UNC13C: variants seen among roughly 807,000 people sequenced by gnomAD.
UNC13C encodes protein unc-13 homolog C.
UNC13C carries 174 observed loss-of-function variants against 245.4 expected under a neutral mutation model. The observed-to-expected ratio is 0.71, with a 90% confidence interval of 0.63 to 0.80. The LOEUF (loss-of-function observed/expected upper bound fraction) is 0.80. Ranked by LOEUF, UNC13C falls within the 30% of genes least tolerant of loss-of-function variation. The probability of loss-of-function intolerance (pLI) is 0.00; values close to 1 mark genes in which losing one functional copy is unlikely to be tolerated. For synonymous variants in UNC13C, 992 were observed against 895.1 expected, an observed-to-expected ratio of 1.11 and a Z score of -1.93; for missense variants, 2,829 against 2,602.9, an observed-to-expected ratio of 1.09 and a Z score of -1.89.
At chr15:54,570,947 T>C (rs1201828496) in intron 30 of UNC13C, among the ~76,000 whole-genome samples, 6 of 152,184 alleles carry the variant, frequency 3.9e-5, no homozygotes, top group African/African-American at 4.8e-5. Flanking sequence ...TTATATAAAG[T>C]GCTATACAAT....
Position 54,306,277 on chromosome 15 carries a change from A to G in UNC13C, c.4268+5904A>G, listed in dbSNP as rs558615869. On this transcript the variant is annotated intron_variant, in intron 13 of 32. Transcript: ENST00000260323. Reference sequence around the variant, plus strand: ...TGGAGCATGCGTCAGTAGGAGAGGGATTACAATTTTCCTGTTTGGACAAGT... The same window carrying G: ...TGGAGCATGCGTCAGTAGGAGAGGGGTTACAATTTTCCTGTTTGGACAAGT... Among the ~76,000 whole-genome samples the G allele has an allele frequency of 9.2e-5, 14 of 152,108 alleles. No individual in the cohort carries two copies. In the South Asian group the frequency reaches 2.9e-3, roughly 32 times the overall value.
At chr15:53,938,233 T>G in the UNC13C span, among the ~76,000 whole-genome samples, 1 of 152,000 alleles carries the variant, frequency 6.6e-6, no homozygotes. Context: ...TCCTAGTTTC[T>G]GACAAAACAG....
the UNC13C span, among the ~76,000 whole-genome samples, chr15:53,884,179 G>A: frequency 6.6e-6 from 1 of 152,118 alleles, no homozygotes; most frequent in Non-Finnish European, 1.5e-5. Flanking sequence ...ATACAATCCT[G>A]TTATCTTTCA....
intron 1 of UNC13C, among the ~76,000 whole-genome samples, chr15:54,009,673 C>T (rs754053423): frequency 2.6e-5 from 4 of 151,744 alleles, no homozygotes; most frequent in East Asian, 1.9e-4. Flanking sequence ...CAGCCTCCTG[C>T]GTAGCTGGGA....
intron 4 of UNC13C, among the ~76,000 whole-genome samples, chr15:54,196,128 T>C (rs1567087826): frequency 6.6e-6 from 1 of 152,144 alleles, no homozygotes; most frequent in East Asian, 1.9e-4. Context: ...TTTTTCTCCC[T>C]ACTAAAAGTA....
chr15:54,109,437 G>A (rs1190581907), intron 2 of UNC13C, among the ~76,000 whole-genome samples: 3 of 147,252 alleles, frequency 2.0e-5, no homozygotes, highest in Admixed American at 6.9e-5. Context: ...CACCTCCCAG[G>A]TTCATGCCAT....
intron 4 of UNC13C, among the ~76,000 whole-genome samples, chr15:54,202,288 C>A (rs1009867233): frequency 6.6e-6 from 1 of 151,680 alleles, no homozygotes; most frequent in Non-Finnish European, 1.5e-5. Context: ...CAAAATGCTA[C>A]CATCATTCAT....
chr15:54,480,442 G>C (rs1414087978), intron 19 of UNC13C, among the ~76,000 whole-genome samples: 2 of 146,456 alleles, frequency 1.4e-5, no homozygotes, highest in South Asian at 2.2e-4. Flanking sequence ...GTTTTGTCTG[G>C]CTGGGTTATC....
At chr15:54,228,316 G>A (rs1416548979) in intron 4 of UNC13C, among the ~76,000 whole-genome samples, 1 of 151,980 alleles carries the variant, frequency 6.6e-6, no homozygotes, top group Non-Finnish European at 1.5e-5. Flanking sequence ...ATGGAATCAG[G>A]GACCCCAAGA....
At chr15:53,880,734 G>A in the UNC13C span, among the ~76,000 whole-genome samples, 1 of 149,696 alleles carries the variant, frequency 6.7e-6, no homozygotes, top group Non-Finnish European at 1.5e-5. Context: ...CAAAGAAAGA[G>A]TCTGAAAGGG....
At chr15:54,611,556 G>A (rs889142307) in intron 30 of UNC13C, 25 of 152,096 alleles carry the variant, frequency 1.6e-4, no homozygotes, top group African/African-American at 6.0e-4. Flanking sequence ...ATAATCTCTG[G>A]AGGAACTTTT....
chr15:54,407,526 G>A (rs747769872), intron 18 of UNC13C, among the ~76,000 whole-genome samples: 3 of 152,126 alleles, frequency 2.0e-5, no homozygotes, highest in Non-Finnish European at 4.4e-5. Context: ...TACAGGCTTC[G>A]GAAGAACTTG....
chr15:53,892,137 C>T, the UNC13C span, among the ~76,000 whole-genome samples: 1 of 152,122 alleles, frequency 6.6e-6, no homozygotes, highest in Non-Finnish European at 1.5e-5. Context: ...ACTTATAAAG[C>T]TTAGTTTGGC....
intron 2 of UNC13C, among the ~76,000 whole-genome samples, chr15:54,062,110 A>G (rs146356254): frequency 1.1e-4 from 16 of 151,980 alleles, no homozygotes; most frequent in African/African-American, 3.9e-4. Context: ...ACCTGAGGTC[A>G]GGAATTGGAA....
chr15:53,980,633 G>T (rs1444362071), intron 1 of UNC13C, among the ~76,000 whole-genome samples: 3 of 152,118 alleles, frequency 2.0e-5, no homozygotes, highest in Admixed American at 2.0e-4. Context: ...AGTAAAATTT[G>T]AAGGTGGATA....
chr15:54,429,963 A>C (rs2040839720), intron 19 of UNC13C, among the ~76,000 whole-genome samples: 1 of 151,666 alleles, frequency 6.6e-6, no homozygotes, highest in Admixed American at 6.6e-5. Flanking sequence ...ATCAAAATGC[A>C]CACTTGTAAC....
rs1894138827 is a variant in UNC13C at position 54,500,163 on chromosome 15, C to G, written c.5145C>G (p.Asp1715Glu). 12 of 1,606,496 alleles carry G rather than the reference C, an allele frequency of 7.5e-6. No individual in the cohort carries two copies. The highest frequency in any genetic ancestry group is 1.0e-5 in the Non-Finnish European group (12 of 1,177,162). ...MEFLHGALGR[D>E]KKDGFQQTSE... is the part of the protein sequence containing the mutation. ...TCCTTCATGGAGCACTGGGAAGAGA[C>G]AAAAAAGATGGAGTGAGTTTAAATT... Residue 1715 changes from aspartate (D) to glutamate (E), a missense_variant, in exon 21 of 33, where the codon GAC becomes GAG. Coordinates refer to ENST00000260323, the MANE Select transcript of UNC13C (RefSeq NM_001080534.3).
rs1390942902 is a variant in UNC13C, at chr15:54,628,090, T to TTAAG, written c.*979_*982dup. 14 of 152,100 alleles carry TTAAG rather than the reference T, an allele frequency of 9.2e-5. No individual in the cohort carries two copies. Among genetic ancestry groups the TTAAG allele is most frequent in the Non-Finnish European group, 1.0e-4 (7 of 67,994 alleles). The allele number at this position is 152,100 out of a possible 1,614,324, so 9.4% of individuals were successfully genotyped here. ...TCCACTTAGTGAAAAAATAGTAAAA[T>TTAAG]TAAGTCGGAAGAAATTGCTTAAAAT... On this transcript the variant is annotated 3_prime_UTR_variant, in exon 33 of 33. Transcript: ENST00000260323.
At chr15:54,587,877 T>C (rs1266606746) in intron 30 of UNC13C, among the ~76,000 whole-genome samples, 1 of 152,230 alleles carries the variant, frequency 6.6e-6, no homozygotes, top group African/African-American at 2.4e-5. Context: ...GAAGTTAAGT[T>C]AGATACATTT....
Sources: gnomAD v4.1 joint callset for allele counts (sites outside exome capture counted in the v4.1 genomes callset) on GRCh38, gnomAD v4.1.1 for gene constraint, MANE v1.5 for transcripts, NCBI Gene and HGNC (gene_info 2026-07-23, HGNC 2026-07-21) for gene names.